The following CCDC187 variants were observed in gnomAD, a reference collection of about 807,000 sequenced individuals.
CCDC187 encodes coiled-coil domain containing 187.
A neutral mutation model predicts 38.0 loss-of-function variants in CCDC187; 32 were observed. The observed-to-expected ratio is 0.84, with a 90% CI of 0.64 to 1.13. The LOEUF is 1.13. CCDC187 is among the 50% of genes most tolerant of loss of function. The pLI is 0.00. For synonymous variants in CCDC187, 333 were observed against 347.9 expected, an observed-to-expected ratio of 0.96 and a Z score of 0.48; for missense variants, 707 against 786.8, an observed-to-expected ratio of 0.90 and a Z score of 1.21.
chr9:136,302,711 G>A (rs1255235585), intron 2 of CCDC187, 101 bp downstream of exon 2: 1 of 398,004 alleles, frequency 2.5e-6, no homozygotes, highest in African/African-American at 2.1e-5. Context: ...ACACCCGGCT[G>A]GCCCCCACCA....
Position 136,260,302 on chromosome 9 carries a change from G to A in CCDC187, c.4065-38C>T, listed in dbSNP as rs550644474. 9.1e-6 allele frequency: 9 copies of A among 984,792 alleles called. No individual in the cohort carries two copies. In the African/African-American group the frequency reaches 1.1e-4, roughly 11 times the overall value. The allele number at this position is 984,792 out of a possible 1,614,324, so 61.0% of individuals were successfully genotyped here. Reference sequence around the variant, plus strand: ...GCAGAGTGGAGGTGACCGCCCGCCCGGCTGCCCCTTCCCAGGTGTCCAGCC... The same window carrying A: ...GCAGAGTGGAGGTGACCGCCCGCCCAGCTGCCCCTTCCCAGGTGTCCAGCC... On this transcript the variant is annotated intron_variant, in intron 19 of 25. Coordinates refer to ENST00000638797, the MANE Select transcript of CCDC187 (RefSeq NM_001378188.1).
In CCDC187 at chr9:136,291,327, G is replaced by A. The variant is rs2131308178; in HGVS notation, c.1286C>T (p.Ala429Val). The change falls in exon 6 of 26, where the codon GCC becomes GTC. Residue 429 changes from alanine (A) to valine (V), a missense_variant. Coordinates refer to ENST00000638797, the MANE Select transcript of CCDC187 (RefSeq NM_001378188.1). ...AGAGGAATGCTTCCTCTCTGTCATGGCCCAGGGACTCTTAGAGAAGGAGCT... is the reference window on the plus strand; with the variant it reads ...AGAGGAATGCTTCCTCTCTGTCATGACCCAGGGACTCTTAGAGAAGGAGCT... ...AQSSFSKSPW[A>V]MTERKHSSLE... 2.5e-6 allele frequency: 1 copy of A among 398,766 alleles called. No homozygotes were observed. Among genetic ancestry groups the A allele is most frequent in the East Asian group, 3.6e-5 (1 of 28,072 alleles). 24.7% of individuals were successfully genotyped at this position (398,766 alleles called of 1,614,324 possible). A position where few individuals can be genotyped will look rare whatever the true frequency, so the allele number is the denominator to read the frequency against.
chr9:136,280,570 C>T (rs1831019243), intron 10 of CCDC187, among the ~76,000 whole-genome samples: 2 of 152,212 alleles, frequency 1.3e-5, no homozygotes, highest in African/African-American at 4.8e-5. Flanking sequence ...AACAGCTTCC[C>T]TGAAGCTGCC....
chr9:136,273,430 A>G (rs1830873534), intron 14 of CCDC187, among the ~76,000 whole-genome samples: 1 of 152,220 alleles, frequency 6.6e-6, no homozygotes, highest in Non-Finnish European at 1.5e-5. Context: ...TAAGAGGATT[A>G]TTGCATCATG....
intron 22 of CCDC187, 130 bp from the exon 23 acceptor site, chr9:136,256,971 G>T (rs1248989642): frequency 6.6e-6 from 1 of 152,236 alleles, no homozygotes; most frequent in Non-Finnish European, 1.5e-5. Flanking sequence ...TACAGTGCTT[G>T]GTTAGTATGA....
At chr9:136,271,127 A>T (rs1830832814) in intron 14 of CCDC187, among the ~76,000 whole-genome samples, 1 of 152,242 alleles carries the variant, frequency 6.6e-6, no homozygotes, top group South Asian at 2.1e-4. Flanking sequence ...GGTGAGAGAA[A>T]GAGGAGCAAA....
rs73560753 is a variant in CCDC187 at position 136,250,289 on chromosome 9, A to G, written c.*3305T>C. The G allele has an allele frequency of 0.068, 11,869 of 173,404 alleles. 1,506 individuals are homozygous for G. The highest frequency in any genetic ancestry group is 0.27 in the African/African-American group (11,084 of 41,640). 10.7% of individuals were successfully genotyped at this position (173,404 alleles called of 1,614,324 possible). ...GACCAGCCCCCTTCAAGGGCACCCTACCACCTGCCAGCGACGCGAGGCACC... is the reference window on the plus strand; with the variant it reads ...GACCAGCCCCCTTCAAGGGCACCCTGCCACCTGCCAGCGACGCGAGGCACC... On this transcript the variant is annotated 3_prime_UTR_variant, in exon 26 of 26. Transcript: ENST00000638797.
At chr9:136,295,139 G>A (rs36170350) in intron 4 of CCDC187, among the ~76,000 whole-genome samples, 6,236 of 152,332 alleles carry the variant, frequency 0.041, 174 homozygotes, top group Admixed American at 0.1. Flanking sequence ...TGAGGCCAGC[G>A]TGACCCAACT....
At position 136,250,962 on chromosome 9, in the gene CCDC187, T is replaced by C. The variant is rs66470520; in HGVS notation, c.*2632A>G. 0.85 allele frequency: 385,805 copies of C among 455,332 alleles called. 164,853 individuals carry two copies. The highest frequency in any genetic ancestry group is 0.96 in the East Asian group (13,725 of 14,356). 28.2% of individuals were successfully genotyped at this position (455,332 alleles called of 1,614,324 possible). A position where few individuals can be genotyped will look rare whatever the true frequency, so the allele number is the denominator to read the frequency against. ...CACCAGAGCTATGGGGTAGAGGGCC[T>C]TGGCAGCTCCGTGTGTCCTGTGACC... On this transcript the variant is annotated 3_prime_UTR_variant, in exon 26 of 26. Coordinates refer to ENST00000638797, the MANE Select transcript of CCDC187 (RefSeq NM_001378188.1).
upstream of CCDC187, among the ~76,000 whole-genome samples, chr9:136,305,873 T>G (rs932060162): frequency 2.6e-3 from 390 of 152,272 alleles, 3 homozygotes; most frequent in African/African-American, 8.6e-3. Context: ...CAGCGGAGCG[T>G]CTGCCTCCCT....
intron 24 of CCDC187, 124 bp downstream of exon 24, chr9:136,256,087 C>T: frequency 2.5e-6 from 1 of 402,446 alleles, no homozygotes; most frequent in Non-Finnish European, 3.4e-6. Flanking sequence ...CAGGGCTGTG[C>T]CCCGGCAGCA....
At chr9:136,294,273 C>T (rs994357335) in intron 4 of CCDC187, among the ~76,000 whole-genome samples, 2 of 151,812 alleles carry the variant, frequency 1.3e-5, no homozygotes, top group East Asian at 1.9e-4. Context: ...CATATACACA[C>T]GCCCTCACAT....
chr9:136,281,435 G>A, intron 10 of CCDC187, 116 bp downstream of exon 10: 1 of 398,508 alleles, frequency 2.5e-6, no homozygotes, highest in Non-Finnish European at 4.4e-6. Context: ...ACGTGGAAAA[G>A]GATTTCTCTA....
chr9:136,288,700 A>G (rs1310812017), intron 7 of CCDC187, among the ~76,000 whole-genome samples: 1 of 152,244 alleles, frequency 6.6e-6, no homozygotes, highest in African/African-American at 2.4e-5. Context: ...TTCAGACCCC[A>G]TGTGTGTGAT....
At chr9:136,284,905 A>G (rs960030190) in intron 9 of CCDC187, among the ~76,000 whole-genome samples, 5,816 of 152,124 alleles carry the variant, frequency 0.038, 265 homozygotes, top group African/African-American at 0.1. Context: ...CCATGGACCA[A>G]GCCTGCTGGG....
rs1470410315 is a variant in CCDC187, at chr9:136,258,629, G to T, written c.4366+303C>A. The T allele has an allele frequency of 2.5e-5, 22 of 887,242 alleles. No homozygotes were observed. The highest frequency in any genetic ancestry group is 3.0e-5 in the Non-Finnish European group (22 of 740,280). The allele number at this position is 887,242 out of a possible 1,614,324, so 55.0% of individuals were successfully genotyped here. A position where few individuals can be genotyped will look rare whatever the true frequency, so the allele number is the denominator to read the frequency against. The stretch of plus-strand genomic sequence containing the variant: ...CGTCAGCTGAAGACGCTCAGGCAGT[G>T]CTGGCTTCCAAACACTTAAAAATCT... On this transcript the variant is annotated intron_variant, in intron 22 of 25. Transcript: ENST00000638797. The surrounding 1 kb of genome is among the most constrained non-coding windows in gnomAD (Gnocchi z 4.3).
chr9:136,269,640 G>A (rs958336828), intron 14 of CCDC187, among the ~76,000 whole-genome samples: 1 of 152,022 alleles, frequency 6.6e-6, no homozygotes, highest in Admixed American at 6.6e-5. Context: ...GAGTGAGACT[G>A]TCTCAAAAGG....
At chr9:136,292,899 C>T (rs1831370286) in intron 4 of CCDC187, among the ~76,000 whole-genome samples, 1 of 152,232 alleles carries the variant, frequency 6.6e-6, no homozygotes, top group Admixed American at 6.5e-5. Flanking sequence ...AACGGCCCCA[C>T]GTCCCGAGTA....
chr9:136,279,976 C>A (rs1050926574), intron 10 of CCDC187, among the ~76,000 whole-genome samples: 1 of 152,222 alleles, frequency 6.6e-6, no homozygotes. Context: ...AGGCCCTTGC[C>A]AGACACCGGC....
Sources: gnomAD v4.1 joint callset for allele counts (sites outside exome capture counted in the v4.1 genomes callset) on GRCh38, gnomAD v4.1.1 for gene constraint, Gnocchi (gnomAD v3.1) non-coding constraint, MANE v1.5 for transcripts, NCBI Gene and HGNC (gene_info 2026-07-23, HGNC 2026-07-21) for gene names.